The following CPD variants were observed in gnomAD, a reference collection of about 807,000 sequenced individuals.
CPD encodes the protein carboxypeptidase D.
Under a neutral mutation model 138.3 loss-of-function variants are expected in CPD, and 69 were observed. That is an observed-to-expected ratio of 0.50 (90% CI 0.41 to 0.61). The LOEUF is 0.61. CPD is among the 20% of genes least tolerant of loss of function. The pLI is 0.00. For synonymous variants in CPD, 651 were observed against 642.1 expected (o/e 1.01, Z -0.21); for missense variants, 1,432 against 1,733.3 (o/e 0.83, Z 3.09).
chr17:30,401,810 C>T (rs1275223242), intron 2 of CPD, among the ~76,000 whole-genome samples: 3 of 151,956 alleles, frequency 2.0e-5, no homozygotes, highest in Admixed American at 6.6e-5. Context: ...CTTTGGTTTT[C>T]AGCAGTTTGA....
intron 5 of CPD, 117 bp from the exon 6 acceptor site, chr17:30,423,389 C>T (rs1223647519): frequency 1.4e-6 from 1 of 693,790 alleles, no homozygotes; most frequent in Non-Finnish European, 2.2e-6. Flanking sequence ...CCTCCTTTGC[C>T]AAAATACATG....
At position 30,392,499 on chromosome 17, in the gene CPD, T is replaced by C. The variant is rs1171240417; in HGVS notation, c.994+7263T>C. Among the ~76,000 whole-genome samples the C allele has an allele frequency of 2.0e-5, 3 of 152,328 alleles. No individual in the cohort carries two copies. In the East Asian group the frequency reaches 5.8e-4, roughly 29 times the overall value. On this transcript the variant is annotated intron_variant, in intron 2 of 20. Transcript: ENST00000225719. ...GTTGTGTATGTACATTTCATATATATGTGTGTACATTAAAAAATTTCATGG... is the reference window on the plus strand; with the variant it reads ...GTTGTGTATGTACATTTCATATATACGTGTGTACATTAAAAAATTTCATGG...
intron 2 of CPD, among the ~76,000 whole-genome samples, chr17:30,415,473 T>G (rs896029959): frequency 2.0e-5 from 3 of 152,122 alleles, no homozygotes; most frequent in Admixed American, 6.5e-5. Flanking sequence ...AAAAAAATAT[T>G]TTTTTCTTAG....
chr17:30,427,864 T>C (rs1023795385), intron 7 of CPD, among the ~76,000 whole-genome samples: 1 of 151,096 alleles, frequency 6.6e-6, no homozygotes, highest in Non-Finnish European at 1.5e-5. Flanking sequence ...TTACCTCCTC[T>C]CCCCTTTCTT....
At chr17:30,381,970 T>TA (rs1459090313) in intron 1 of CPD, among the ~76,000 whole-genome samples, 2 of 152,198 alleles carry the variant, frequency 1.3e-5, no homozygotes, top group Admixed American at 1.3e-4. Flanking sequence ...AGAAAATATA[T>TA]AAAAAAATTA....
chr17:30,422,617 T>A (rs1034745673), intron 4 of CPD, 57 bp from the exon 5 acceptor site: 70 of 1,161,598 alleles, frequency 6.0e-5, no homozygotes, highest in Non-Finnish European at 8.1e-5. Flanking sequence ...TTTTATAATA[T>A]TAAAGCATTG....
At position 30,445,811 on chromosome 17, in the gene CPD, C is replaced by A. The variant is rs1465553518; in HGVS notation, c.2664C>A (p.Ser888Arg). ...NNESKKGKGA[S>R]SSTNDASDPT... ...AATCAAAGAAAGGAAAAGGGGCTAG[C>A]AGCAGCACCAATGATGCCAGTGATC... Residue 888 changes from serine to arginine, a missense_variant, in exon 12 of 21, where the codon AGC (serine) becomes AGA (arginine). By Grantham distance (110) the Ser-to-Arg change is moderately radical. Around this residue, in one of 6 missense-constraint regions of CPD, gnomAD observed 124 missense variants for 117.0 expected, o/e 1.06. Transcript: ENST00000225719. 4 of 1,613,952 alleles carry A rather than the reference C, an allele frequency of 2.5e-6. No individual in the cohort carries two copies. The highest frequency in any genetic ancestry group is 3.4e-6 in the Non-Finnish European group (4 of 1,179,994).
intron 3 of CPD, 124 bp downstream of exon 3, chr17:30,421,107 A>T: frequency 1.5e-6 from 1 of 658,424 alleles, no homozygotes; most frequent in Non-Finnish European, 2.3e-6. Flanking sequence ...ATTACTTAAG[A>T]TTATAAATTA....
chr17:30,418,030 C>T (rs1281923728), intron 2 of CPD, among the ~76,000 whole-genome samples: 1 of 152,040 alleles, frequency 6.6e-6, no homozygotes, highest in Non-Finnish European at 1.5e-5. Context: ...CTGCAGTGCT[C>T]CTGAACCCCC....
At chr17:30,456,154 A>G in intron 15 of CPD, 102 bp from the exon 16 acceptor site, 8 of 874,162 alleles carry the variant, frequency 9.2e-6, no homozygotes, top group Admixed American at 8.0e-5. Context: ...TGGAGTGCAA[A>G]ATTTATTAGG....
rs775303989 is a variant in CPD at position 30,379,141 on chromosome 17, A to G, written c.161A>G (p.Gln54Arg). 39 of 1,537,424 alleles carry G rather than the reference A, an allele frequency of 2.5e-5. No individual in the cohort carries two copies. The South Asian group carries it at 4.0e-4, about 16-fold the overall frequency. ...GCGGGCGCCGAGGCGGCCGAGGGCC[A>G]GTTCGACCGCTACTACCACGAAGAG... ...TSAGAEAAEG[Q>R]FDRYYHEEEL... Residue 54 changes from glutamine (Q) to arginine (R), a missense_variant, in exon 1 of 21, where the codon CAG becomes CGG. Physicochemically the swap from Gln to Arg is conservative, Grantham distance 43 (BLOSUM62 1). This residue lies in a region of CPD where 484 missense variants were observed against 477.2 expected (regional missense o/e 1.01). Coordinates refer to ENST00000225719, the MANE Select transcript of CPD (RefSeq NM_001304.5). This position sits in a 1 kb window ranked among gnomAD's most constrained non-coding sequence, Gnocchi z 7.0.
At chr17:30,463,325 C>T (rs1187018496) in intron 20 of CPD, among the ~76,000 whole-genome samples, 4 of 152,264 alleles carry the variant, frequency 2.6e-5, no homozygotes, top group South Asian at 4.1e-4. Context: ...CAATCTCTCC[C>T]ACTAAAACAT....
chr17:30,443,758 A>T, intron 10 of CPD, 44 bp from the exon 11 acceptor site: 1 of 1,518,966 alleles, frequency 6.6e-7, no homozygotes. Flanking sequence ...TAATTAGATG[A>T]TGATGTTTAT....
chr17:30,459,583 G>A (rs545257046), intron 17 of CPD, among the ~76,000 whole-genome samples: 1 of 152,166 alleles, frequency 6.6e-6, no homozygotes, highest in Non-Finnish European at 1.5e-5. Flanking sequence ...AAATTGGAAC[G>A]TGTGAGTCTT....
intron 1 of CPD, among the ~76,000 whole-genome samples, chr17:30,381,877 A>T (rs1911058994): frequency 6.6e-6 from 1 of 152,144 alleles, no homozygotes; most frequent in African/African-American, 2.4e-5. Context: ...TTAAGGCTTA[A>T]TTTCCTCCAG....
At chr17:30,384,846 A>G in intron 1 of CPD, 143 bp from the exon 2 acceptor site, 3 of 847,082 alleles carry the variant, frequency 3.5e-6, no homozygotes, top group East Asian at 2.4e-5. Context: ...TCTCCTTATA[A>G]CAGATAACAG....
chr17:30,399,846 T>C (rs1911606409), intron 2 of CPD, among the ~76,000 whole-genome samples: 1 of 151,814 alleles, frequency 6.6e-6, no homozygotes. Context: ...AAAAATTAGC[T>C]GGGCATGGTG....
In CPD at chr17:30,422,694, C is replaced by G. The variant is rs962202874; in HGVS notation, c.1328C>G (p.Thr443Ser). ...VLTGYMPLTV[T>S]NVVVKEGPAT... ...TTCAGGTATATGCCATTGACTGTTACTAATGTAGTGGTGAAAGAAGGACCA... is the reference window on the plus strand; with the variant it reads ...TTCAGGTATATGCCATTGACTGTTAGTAATGTAGTGGTGAAAGAAGGACCA... The change falls in exon 5 of 21, where the codon ACT becomes AGT. Residue 443 changes from threonine (T) to serine (S), a missense_variant. By Grantham distance (58) the Thr-to-Ser change is moderately conservative. Around this residue, in one of 6 missense-constraint regions of CPD, gnomAD observed 160 missense variants for 197.9 expected, o/e 0.81. Coordinates refer to ENST00000225719, the MANE Select transcript of CPD (RefSeq NM_001304.5). 6.2e-7 allele frequency: 1 copy of G among 1,611,682 alleles called. No homozygotes were observed. Among genetic ancestry groups the G allele is most frequent in the African/African-American group, 1.3e-5 (1 of 74,774 alleles).
chr17:30,390,620 T>G (rs1911328850), intron 2 of CPD, among the ~76,000 whole-genome samples: 1 of 152,162 alleles, frequency 6.6e-6, no homozygotes, highest in Admixed American at 6.5e-5. Flanking sequence ...TCTGGGGTGA[T>G]TTGGGCCCTA....
Sources: gnomAD v4.1 joint callset for allele counts (sites outside exome capture counted in the v4.1 genomes callset) on GRCh38, gnomAD v4.1.1 for gene constraint, gnomAD v4.1.1 regional missense constraint, Gnocchi (gnomAD v3.1) non-coding constraint, MANE v1.5 for transcripts, NCBI Gene and HGNC (gene_info 2026-07-23, HGNC 2026-07-21) for gene names.